Variants in WDFY4 observed in about 807,000 individuals in gnomAD.
WDFY4 encodes the protein WD repeat- and FYVE domain-containing protein 4.
In WDFY4, 169 loss-of-function variants were observed where a neutral mutation model predicts 351.9. The ratio of observed to expected loss-of-function variants is 0.48; its 90% confidence interval spans 0.42 to 0.55. The LOEUF (loss-of-function observed/expected upper bound fraction) is 0.55, where lower values mean the gene tolerates loss of function less well. Among genes scored for constraint, WDFY4 ranks in the 20% least tolerant of loss-of-function variants. The pLI is 0.00. For synonymous variants in WDFY4, 1,622 were observed against 1,574.6 expected, an observed-to-expected ratio of 1.03 and a Z score of -0.71; for missense variants, 3,803 against 3,935.6, an observed-to-expected ratio of 0.97 and a Z score of 0.90.
Position 48,810,682 on chromosome 10 carries a change from T to C in WDFY4, c.4991T>C (p.Leu1664Pro). The C allele has an allele frequency of 1.3e-6, 2 of 1,551,382 alleles. No homozygotes were observed. The highest frequency in any genetic ancestry group is 1.7e-6 in the Non-Finnish European group (2 of 1,146,882). The change falls in exon 29 of 62, where the codon CTG becomes CCG. Residue 1664 changes from leucine to proline, a missense_variant. Physicochemically the swap from Leu to Pro is moderately conservative, Grantham distance 98 (BLOSUM62 -3). Around this residue, in one of 3 missense-constraint regions of WDFY4, gnomAD observed 3,054 missense variants for 3,148.6 expected, o/e 0.97. Transcript: ENST00000325239. ...CTCCGCACACGGTTTAGAGATGGCC[T>C]GTGTGCAGGATCCTGGGTGGAACGC... is the stretch of plus-strand genomic sequence containing the variant. ...PSLRTRFRDG[L>P]CAGSWVERST...
At chr10:48,847,334 A>G (rs1276619523) in intron 39 of WDFY4, among the ~76,000 whole-genome samples, 1 of 152,106 alleles carries the variant, frequency 6.6e-6, no homozygotes, top group African/African-American at 2.4e-5. Flanking sequence ...GTCTCCAAAT[A>G]TTGTCACATT....
intron 4 of WDFY4, among the ~76,000 whole-genome samples, chr10:48,722,621 C>T (rs2064127994): frequency 2.0e-5 from 3 of 152,230 alleles, no homozygotes; most frequent in Admixed American, 2.0e-4. Flanking sequence ...GACAGCATTC[C>T]ATAGGTTGAC....
At chr10:48,687,195 C>T (rs776072800) in intron 1 of WDFY4, among the ~76,000 whole-genome samples, 5 of 152,146 alleles carry the variant, frequency 3.3e-5, no homozygotes, top group African/African-American at 4.8e-5. Context: ...CATTTCTCAT[C>T]GGGTTACCTG....
intron 18 of WDFY4, among the ~76,000 whole-genome samples, chr10:48,779,120 A>T (rs1018283168): frequency 6.6e-6 from 1 of 152,240 alleles, no homozygotes; most frequent in Admixed American, 6.5e-5. Flanking sequence ...GCCCTGGCAG[A>T]ACAGTCACAA....
intron 39 of WDFY4, among the ~76,000 whole-genome samples, chr10:48,846,465 C>T (rs148378305): frequency 8.6e-4 from 131 of 152,328 alleles, no homozygotes; most frequent in African/African-American, 2.9e-3. Flanking sequence ...AGCCTTGTTC[C>T]GTGCCCATCT....
chr10:48,935,764 T>A (rs575151834), intron 47 of WDFY4, among the ~76,000 whole-genome samples: 7 of 152,358 alleles, frequency 4.6e-5, no homozygotes, highest in Non-Finnish European at 1.0e-4. Flanking sequence ...TGTATGTCAT[T>A]AAATGCTGAT....
Position 48,957,422 on chromosome 10 carries a change from C to A in WDFY4, c.8131+140C>A, listed in dbSNP as rs73298921. The A allele has an allele frequency of 5.3e-4, 585 of 1,097,158 alleles. No homozygotes were observed. In the African/African-American group the frequency reaches 6.5e-3, roughly 12 times the overall value. 68.0% of individuals were successfully genotyped at this position (1,097,158 alleles called of 1,614,324 possible). A position where few individuals can be genotyped will look rare whatever the true frequency, so the allele number is the denominator to read the frequency against. On this transcript the variant is annotated intron_variant, in intron 52 of 61. Coordinates refer to ENST00000325239, the MANE Select transcript of WDFY4 (RefSeq NM_001394531.1). ...AACTTCGGGTGAGGTCTCCACTGGGCAGCAGTGCCCAGAAGGAAAGGTGGT... is the reference window on the plus strand; with the variant it reads ...AACTTCGGGTGAGGTCTCCACTGGGAAGCAGTGCCCAGAAGGAAAGGTGGT...
chr10:48,707,998 A>G (rs141339056), intron 1 of WDFY4, among the ~76,000 whole-genome samples: 3 of 152,288 alleles, frequency 2.0e-5, no homozygotes, highest in East Asian at 3.9e-4. Context: ...AAGCAAAAGT[A>G]TAAATAAAGT....
intron 2 of WDFY4, among the ~76,000 whole-genome samples, chr10:48,713,779 C>T (rs1296262591): frequency 6.6e-6 from 1 of 152,242 alleles, no homozygotes; most frequent in Non-Finnish European, 1.5e-5. Flanking sequence ...GGGTCAGATC[C>T]TTCCAACCTA....
At chr10:48,948,778 G>A (rs768975140) in intron 51 of WDFY4, among the ~76,000 whole-genome samples, 1 of 152,238 alleles carries the variant, frequency 6.6e-6, no homozygotes, top group African/African-American at 2.4e-5. Flanking sequence ...ATCACTGTTA[G>A]TTCCCTTCTT....
chr10:48,803,312 G>C lies in WDFY4; in HGVS notation c.4437G>C (p.Leu1479=). ...TCTGGATGAATACTGCAGACAATCT[G>C]GAGCTCAGCCTCTTTTCCCATCTTT... ...FELWMNTADN[L]ELSLFSHLLE... Residue 1479 remains leucine, a synonymous_variant, in exon 25 of 62, where the codon CTG becomes CTC. Transcript: ENST00000325239. The C allele has an allele frequency of 6.4e-7, 1 of 1,551,988 alleles. No individual in the cohort carries two copies. Among genetic ancestry groups the C allele is most frequent in the Non-Finnish European group, 8.7e-7 (1 of 1,147,046 alleles).
intron 42 of WDFY4, among the ~76,000 whole-genome samples, chr10:48,876,485 A>G (rs1465460930): frequency 3.3e-5 from 5 of 152,252 alleles, no homozygotes. Context: ...TTAAAATGTC[A>G]TCAGAAGTAT....
At chr10:48,794,165 C>T (rs547801705) in intron 23 of WDFY4, among the ~76,000 whole-genome samples, 7 of 152,030 alleles carry the variant, frequency 4.6e-5, no homozygotes, top group Admixed American at 6.6e-5. Context: ...GCAGGAAGGC[C>T]GGGACAGGGA....
intron 39 of WDFY4, among the ~76,000 whole-genome samples, chr10:48,842,045 T>C (rs187367196): frequency 3.0e-4 from 45 of 152,186 alleles, no homozygotes; most frequent in Admixed American, 1.1e-3. Flanking sequence ...AGAGAAAGTC[T>C]CTACTCATGA....
rs148009139 is a variant in WDFY4 at position 48,819,774 on chromosome 10, G to A, written c.5506-460G>A. Among the ~76,000 whole-genome samples, 750 of 152,348 alleles carry A rather than the reference G, an allele frequency of 4.9e-3. 4 individuals carry two copies. The highest frequency in any genetic ancestry group is 0.017 in the African/African-American group (707 of 41,574). ...GTGGGCATCAGCAGAGACTGGGCAG[G>A]AGGTAGAGGTGGGGTCCCCATCACA... On this transcript the variant is annotated intron_variant, in intron 32 of 61. Transcript: ENST00000325239.
chr10:48,834,182 G>A (rs1327747177), intron 39 of WDFY4, among the ~76,000 whole-genome samples: 10 of 152,150 alleles, frequency 6.6e-5, no homozygotes, highest in Admixed American at 2.0e-4. Flanking sequence ...GATTGAATAC[G>A]TGAATGTGTG....
In WDFY4 at chr10:48,830,808, G is replaced by A; in HGVS notation, c.6449G>A (p.Gly2150Glu). The change falls in exon 38 of 62, where the codon GGA becomes GAA. Residue 2150 changes from glycine (G) to glutamate (E), a missense_variant. Physicochemically the swap from Gly to Glu is moderately conservative, Grantham distance 98. Coordinates refer to ENST00000325239, the MANE Select transcript of WDFY4 (RefSeq NM_001394531.1). Reference sequence around the variant, plus strand: ...AAGATCGATCTCTCTGTGAAACCTGGAGAGAGGGAAGTGAAGATTGAAGAG... The same window carrying A: ...AAGATCGATCTCTCTGTGAAACCTGAAGAGAGGGAAGTGAAGATTGAAGAG... ...AFKIDLSVKP[G>E]EREVKIEEVT... 1.3e-6 allele frequency: 2 copies of A among 1,551,700 alleles called. No homozygotes were observed. Among genetic ancestry groups the A allele is most frequent in the South Asian group, 1.2e-5 (1 of 84,064 alleles).
intron 1 of WDFY4, among the ~76,000 whole-genome samples, chr10:48,685,972 G>A (rs1328934008): frequency 3.3e-5 from 5 of 152,166 alleles, no homozygotes; most frequent in East Asian, 3.9e-4. Flanking sequence ...GAGGGAGGCC[G>A]AGTCCTGTGG....
rs1214546294 is a variant in WDFY4, at chr10:48,731,134, C to G, written c.1154C>G (p.Ala385Gly). ...ASGVTVKNLQ[A>G]FQVLQNVFHK... is the part of the protein sequence containing the mutation. The stretch of plus-strand genomic sequence containing the variant: ...GGGGTGACTGTTAAGAATCTTCAGG[C>G]CTTCCAGGTCCTACAGAATGTTTTC... The change falls in exon 9 of 62, where the codon GCC becomes GGC. Residue 385 changes from alanine (A) to glycine (G), a missense_variant. Ala to Gly is a moderately conservative substitution (Grantham distance 60, BLOSUM62 0). Transcript: ENST00000325239. The G allele has an allele frequency of 3.2e-6, 5 of 1,547,128 alleles. No homozygotes were observed. In the African/African-American group the frequency reaches 6.8e-5, roughly 21 times the overall value.
Sources: allele counts gnomAD v4.1 joint callset (sites outside exome capture counted in the v4.1 genomes callset), GRCh38; gene constraint gnomAD v4.1.1; regional missense constraint gnomAD v4.1.1; transcripts MANE v1.5; gene names NCBI Gene and HGNC (gene_info 2026-07-23, HGNC 2026-07-21).